The following FHAD1 variants were observed in gnomAD, a reference collection of about 807,000 sequenced individuals.
FHAD1 encodes the protein forkhead-associated domain-containing protein 1.
In FHAD1, 146 loss-of-function variants were observed where a neutral mutation model predicts 191.3. The observed-to-expected ratio is 0.76, with a 90% confidence interval of 0.67 to 0.88. FHAD1 has a LOEUF of 0.88. Ranked by LOEUF, FHAD1 falls within the 40% of genes least tolerant of loss-of-function variation. FHAD1 has a pLI of 0.00. For missense variants in FHAD1, 1,635 were observed against 1,785.8 expected, an observed-to-expected ratio of 0.92 and a Z score of 1.52; for synonymous variants, 616 against 672.3, an observed-to-expected ratio of 0.92 and a Z score of 1.29.
downstream of FHAD1, chr1:15,402,899 G>A (rs1707157506): frequency 6.6e-6 from 1 of 152,142 alleles, no homozygotes; most frequent in South Asian, 2.1e-4. Context: ...TTCTGTAAAG[G>A]ACTCTATTGA....
At chr1:15,342,001 G>T in intron 16 of FHAD1, 113 bp downstream of exon 16, 1 of 853,014 alleles carries the variant, frequency 1.2e-6, no homozygotes, top group Non-Finnish European at 1.7e-6. Flanking sequence ...TCTGTTTGGT[G>T]CCATGAAACT....
chr1:15,381,270 A>T lies in FHAD1; in HGVS notation c.3841A>T (p.Ile1281Phe). Reference protein sequence around the residue: ...MSKTLGSLMNIKNMSGHVSMK... With the variant: ...MSKTLGSLMNFKNMSGHVSMK... ...CAAAACCCTCGGAAGTCTCATGAACATCAAGAATATGTCAGGCCACGTGTC... is the reference window on the plus strand; with the variant it reads ...CAAAACCCTCGGAAGTCTCATGAACTTCAAGAATATGTCAGGCCACGTGTC... The change falls in exon 30 of 34, where the codon ATC (isoleucine) becomes TTC (phenylalanine). Residue 1281 changes from isoleucine to phenylalanine, a missense_variant. Physicochemically the swap from Ile to Phe is conservative, Grantham distance 21. Coordinates refer to ENST00000688493, the MANE Select transcript of FHAD1 (RefSeq NM_001391957.1). This position sits in a 1 kb window ranked among gnomAD's most constrained non-coding sequence, Gnocchi z 4.6. 6.4e-7 allele frequency: 1 copy of T among 1,551,710 alleles called. No individual in the cohort carries two copies. The highest frequency in any genetic ancestry group is 8.7e-7 in the Non-Finnish European group (1 of 1,146,990).
chr1:15,283,984 A>G (rs1332658944), intron 3 of FHAD1, among the ~76,000 whole-genome samples: 4 of 152,238 alleles, frequency 2.6e-5, no homozygotes, highest in African/African-American at 9.6e-5. Flanking sequence ...GGAGTCAGAC[A>G]GCATCACCAC....
At chr1:15,301,034 T>G (rs1668567367) in intron 5 of FHAD1, among the ~76,000 whole-genome samples, 171 bp from the exon 6 acceptor site, 1 of 152,090 alleles carries the variant, frequency 6.6e-6, no homozygotes, top group Non-Finnish European at 1.5e-5. Flanking sequence ...TTCACCATGT[T>G]GGCCAGGCTG....
intron 2 of FHAD1, among the ~76,000 whole-genome samples, chr1:15,256,274 C>CTGACACAGTGGGGTTGGG (rs1553224786): frequency 6.6e-6 from 1 of 152,174 alleles, no homozygotes; most frequent in East Asian, 1.9e-4. Context: ...CCAAGGCTTT[C>CTGACACAGTGGGGTTGGG]TGACACAGTG....
intron 33 of FHAD1, among the ~76,000 whole-genome samples, chr1:15,393,758 G>C (rs1489354837): frequency 3.3e-5 from 5 of 151,298 alleles, no homozygotes; most frequent in Admixed American, 3.3e-4. Context: ...ATGAGCCACT[G>C]CCCCTGGCCT....
chr1:15,328,530 A>G (rs1407352352), intron 13 of FHAD1, 101 bp downstream of exon 13: 7 of 1,012,046 alleles, frequency 6.9e-6, no homozygotes, highest in Non-Finnish European at 9.3e-6. Context: ...TTGGGCAGAA[A>G]TGCTTGGCTT....
At position 15,247,329 on chromosome 1, in the gene FHAD1, C is replaced by T; in HGVS notation, c.-81C>T. The T allele has an allele frequency of 4.3e-6, 1 of 232,388 alleles. No homozygotes were observed. 14.4% of individuals were successfully genotyped at this position (232,388 alleles called of 1,614,324 possible). A position where few individuals can be genotyped will look rare whatever the true frequency, so the allele number is the denominator to read the frequency against. On this transcript the variant is annotated 5_prime_UTR_variant, in exon 1 of 34. Transcript: ENST00000688493. ...CCGGGAGGCTTCGCCCCGGAGCTGG[C>T]CCGACGCCTCCCGAGCTGGCAGGGC...
rs182026959 is a variant in FHAD1 at position 15,272,885 on chromosome 1, G to A, written c.300+356G>A. 8.6e-3 allele frequency among the ~76,000 whole-genome samples: 1,314 copies of A among 152,308 alleles called. 5 individuals are homozygous for A. The highest frequency in any genetic ancestry group is 0.015 in the Non-Finnish European group (1,038 of 68,032). ...TAGATGAGCACGCTGCTCCTTCCTA[G>A]CTCTGTGACCTGGGCCAGACTTCTT... is the stretch of plus-strand genomic sequence containing the variant. On this transcript the variant is annotated intron_variant, in intron 3 of 33. Transcript: ENST00000688493.
intron 5 of FHAD1, among the ~76,000 whole-genome samples, chr1:15,299,229 A>AAAG (rs1388820962): frequency 1.3e-5 from 2 of 151,200 alleles, no homozygotes; most frequent in African/African-American, 4.9e-5. Flanking sequence ...GAAAAAAAAA[A>AAAG]AAAGAAAGAA....
At chr1:15,393,445 C>CACAA (rs1035415407) in intron 33 of FHAD1, among the ~76,000 whole-genome samples, 4 of 151,708 alleles carry the variant, frequency 2.6e-5, no homozygotes, top group Non-Finnish European at 4.4e-5. Flanking sequence ...CACACACACA[C>CACAA]ACACACACAC....
chr1:15,347,191 G>A (rs901922328), intron 18 of FHAD1, among the ~76,000 whole-genome samples: 2 of 152,210 alleles, frequency 1.3e-5, no homozygotes, highest in Admixed American at 1.3e-4. Flanking sequence ...TTCTCCAGGG[G>A]TGGGGATGAG....
At position 15,397,396 on chromosome 1, in the gene FHAD1, C is replaced by A; in HGVS notation, c.4423C>A (p.Pro1475Thr). ...CAGCCAGAGCCTTTTGCATTCTAAG[C>A]CCAGTGGAAAGTACTAGAGAAACCT... ...KSSQSLLHSK[P>T]SGKY The change falls in exon 34 of 34, where the codon CCC becomes ACC. Residue 1475 changes from proline to threonine, a missense_variant. Coordinates refer to ENST00000688493, the MANE Select transcript of FHAD1 (RefSeq NM_001391957.1). 1 of 1,534,904 alleles carries A rather than the reference C, an allele frequency of 6.5e-7. No homozygotes were observed. Among genetic ancestry groups the A allele is most frequent in the Non-Finnish European group, 8.8e-7 (1 of 1,135,554 alleles).
At chr1:15,351,374 T>A (rs550707789) in intron 19 of FHAD1, among the ~76,000 whole-genome samples, 11 of 152,150 alleles carry the variant, frequency 7.2e-5, no homozygotes, top group South Asian at 2.1e-4. Context: ...ATAAAAAAAT[T>A]TTTTTAAAAA....
chr1:15,293,501 C>T (rs1223780099), intron 4 of FHAD1, among the ~76,000 whole-genome samples: 3 of 152,128 alleles, frequency 2.0e-5, no homozygotes. Context: ...GGGCGAATCA[C>T]AAGGTCGGGA....
intron 20 of FHAD1, among the ~76,000 whole-genome samples, chr1:15,354,122 C>T (rs1157444348): frequency 6.6e-6 from 1 of 152,210 alleles, no homozygotes; most frequent in African/African-American, 2.4e-5. Flanking sequence ...CTATTCACAT[C>T]AACCTTGGAT....
At chr1:15,255,889 A>T (rs1294873040) in intron 2 of FHAD1, among the ~76,000 whole-genome samples, 1 of 152,218 alleles carries the variant, frequency 6.6e-6, no homozygotes. Flanking sequence ...AAGGATTTTG[A>T]TCTTGATCTG....
chr1:15,292,458 C>G (rs1018285098), intron 4 of FHAD1, among the ~76,000 whole-genome samples: 3 of 152,282 alleles, frequency 2.0e-5, no homozygotes, highest in South Asian at 4.1e-4. Context: ...CTCAGCCTCC[C>G]GAGTAGCTGG....
chr1:15,266,989 G>C (rs1653818408), intron 2 of FHAD1, among the ~76,000 whole-genome samples: 1 of 104,258 alleles, frequency 9.6e-6, no homozygotes, highest in African/African-American at 3.7e-5. Context: ...AGAACATTTT[G>C]GTTGCTTCCA....
Sources: gnomAD v4.1 joint callset for allele counts (sites outside exome capture counted in the v4.1 genomes callset) on GRCh38, gnomAD v4.1.1 for gene constraint, Gnocchi (gnomAD v3.1) non-coding constraint, MANE v1.5 for transcripts, NCBI Gene and HGNC (gene_info 2026-07-23, HGNC 2026-07-21) for gene names.